Variants in ST8SIA5 observed in about 807,000 individuals in gnomAD.
ST8SIA5 encodes alpha-2,8-sialyltransferase 8E.
ST8SIA5 carries 24 observed loss-of-function variants against 40.2 expected under a neutral mutation model. That is an observed-to-expected ratio of 0.60 (90% CI 0.43 to 0.84). The LOEUF (loss-of-function observed/expected upper bound fraction) is 0.84, where lower values mean the gene tolerates loss of function less well. ST8SIA5 is among the 40% of genes least tolerant of loss of function. ST8SIA5 has a pLI of 0.00. For missense variants in ST8SIA5, 465 were observed against 498.5 expected (o/e 0.93, Z 0.64); for synonymous variants, 198 against 201.8 (o/e 0.98, Z 0.16).
At chr18:46,723,787 A>G (rs1424804059) in intron 1 of ST8SIA5, among the ~76,000 whole-genome samples, 2 of 152,072 alleles carry the variant, frequency 1.3e-5, no homozygotes, top group Non-Finnish European at 2.9e-5. Flanking sequence ...TTAGCCAGGC[A>G]TGGTGGCAGG....
At chr18:46,718,053 G>A (rs1179616363) in intron 1 of ST8SIA5, among the ~76,000 whole-genome samples, 1 of 152,158 alleles carries the variant, frequency 6.6e-6, no homozygotes. Context: ...TTCCGGCTGG[G>A]TGCTGTGGCT....
At chr18:46,687,255 A>C (rs1330125917) in intron 4 of ST8SIA5, among the ~76,000 whole-genome samples, 1 of 152,252 alleles carries the variant, frequency 6.6e-6, no homozygotes, top group Admixed American at 6.5e-5. Context: ...AATAAGATTG[A>C]AAGTGTTACT....
At chr18:46,715,278 C>T (rs1010202011) in intron 1 of ST8SIA5, among the ~76,000 whole-genome samples, 2 of 152,220 alleles carry the variant, frequency 1.3e-5, no homozygotes, top group Admixed American at 6.5e-5. Context: ...CGCTGCTCTG[C>T]CTTCAGCCTG....
chr18:46,694,504 A>C (rs138381808), intron 2 of ST8SIA5, among the ~76,000 whole-genome samples: 2 of 152,216 alleles, frequency 1.3e-5, no homozygotes, highest in Non-Finnish European at 2.9e-5. Context: ...CACAGTCCCC[A>C]CTTTAGGGCC....
intron 1 of ST8SIA5, among the ~76,000 whole-genome samples, chr18:46,741,486 A>C (rs887749046): frequency 1.3e-5 from 2 of 152,244 alleles, no homozygotes; most frequent in African/African-American, 2.4e-5. Context: ...AAAAACGTGC[A>C]TAAGTCATTA....
intron 5 of ST8SIA5, among the ~76,000 whole-genome samples, chr18:46,683,328 C>T (rs2039416247): frequency 6.6e-6 from 1 of 152,296 alleles, no homozygotes; most frequent in Non-Finnish European, 1.5e-5. Flanking sequence ...ATATTCTTCA[C>T]ATCAAATACT....
chr18:46,706,373 C>T (rs765089660), intron 1 of ST8SIA5, among the ~76,000 whole-genome samples: 14 of 152,192 alleles, frequency 9.2e-5, no homozygotes, highest in Non-Finnish European at 1.9e-4. Context: ...TTCTTCAGTA[C>T]CCGGCTCGAG....
At chr18:46,726,009 A>ATATATATCTATC (rs1568271474) in intron 1 of ST8SIA5, among the ~76,000 whole-genome samples, 1 of 60,944 alleles carries the variant, frequency 1.6e-5, no homozygotes, top group Non-Finnish European at 3.0e-5. Context: ...ATATATATAT[A>ATATATATCTATC]TCCTGGATAT....
At chr18:46,755,511 T>C (rs1258459738) in intron 1 of ST8SIA5, among the ~76,000 whole-genome samples, 2 of 152,086 alleles carry the variant, frequency 1.3e-5, no homozygotes, top group Non-Finnish European at 2.9e-5. Context: ...CCTCCCCTAA[T>C]CTCTCAAACC....
At chr18:46,710,128 A>G (rs762279299) in intron 1 of ST8SIA5, among the ~76,000 whole-genome samples, 5 of 152,002 alleles carry the variant, frequency 3.3e-5, no homozygotes, top group African/African-American at 1.2e-4. Context: ...CAGGAGCCCA[A>G]CTCCTCTCAA....
chr18:46,688,980 A>C, intron 3 of ST8SIA5, 61 bp from the exon 4 acceptor site: 1 of 1,560,728 alleles, frequency 6.4e-7, no homozygotes. Context: ...TGGAGGGCAG[A>C]GCACAACCTC....
chr18:46,680,415 C>T lies in ST8SIA5; in HGVS notation c.758G>A (p.Arg253His), dbSNP rs754129128. ...GACGCGGATGGACACGTCGGTGTTG[C>T]GCGTGTTGTAGAAGGCAGGCAGCAG... ...SVLLPAFYNT[R>H]NTDVSIRVKY... is the part of the protein sequence containing the mutation. Residue 253 changes from arginine to histidine, a missense_variant, in exon 7 of 7, where the codon CGC becomes CAC. Coordinates refer to ENST00000315087, the MANE Select transcript of ST8SIA5 (RefSeq NM_013305.6). 2 of 1,613,102 alleles carry T rather than the reference C, an allele frequency of 1.2e-6. No homozygotes were observed. Among genetic ancestry groups the T allele is most frequent in the Admixed American group, 3.3e-5 (2 of 59,880 alleles).
chr18:46,681,840 T>C (rs774857478), intron 6 of ST8SIA5, 132 bp downstream of exon 6: 21 of 808,108 alleles, frequency 2.6e-5, no homozygotes, highest in Non-Finnish European at 3.9e-5. Flanking sequence ...ATTAAGTCTT[T>C]GAAACCCAGT....
chr18:46,682,776 G>T (rs1323165809), intron 5 of ST8SIA5, among the ~76,000 whole-genome samples: 2 of 152,202 alleles, frequency 1.3e-5, no homozygotes, highest in Admixed American at 6.5e-5. Flanking sequence ...GTGACAACCA[G>T]GGAGAGAGAA....
intron 1 of ST8SIA5, among the ~76,000 whole-genome samples, chr18:46,725,947 C>T (rs1206341357): frequency 1.0e-5 from 1 of 95,408 alleles, no homozygotes; most frequent in South Asian, 3.6e-4. Flanking sequence ...ATGGTGAAAC[C>T]CCATCTCTAC....
intron 1 of ST8SIA5, among the ~76,000 whole-genome samples, chr18:46,755,358 G>A (rs1052036299): frequency 1.3e-5 from 2 of 152,206 alleles, no homozygotes; most frequent in African/African-American, 4.8e-5. Flanking sequence ...CTTAGCTAGA[G>A]AGACATTTAT....
At chr18:46,695,192 AG>A (rs1456974726) in intron 2 of ST8SIA5, among the ~76,000 whole-genome samples, 2 of 152,068 alleles carry the variant, frequency 1.3e-5, no homozygotes, top group African/African-American at 2.4e-5. Context: ...TTTTAAAAAA[AG>A]GGTTCATTTT....
chr18:46,704,441 C>T (rs991871475), intron 2 of ST8SIA5, 131 bp downstream of exon 2: 2 of 769,678 alleles, frequency 2.6e-6, no homozygotes, highest in South Asian at 3.4e-5. Context: ...GGGAAGGAGA[C>T]CTACTTTTCG....
intron 1 of ST8SIA5, among the ~76,000 whole-genome samples, chr18:46,725,972 AATATATATATATATATATATATAT>A (rs1555696955): frequency 1.0e-4 from 3 of 29,096 alleles, no homozygotes; most frequent in Non-Finnish European, 1.8e-4. Flanking sequence ...AAAAAAAAAA[AATATATATATATATATATATATAT>A]ATATATATAT....
Sources: allele counts gnomAD v4.1 joint callset (sites outside exome capture counted in the v4.1 genomes callset), GRCh38; gene constraint gnomAD v4.1.1; transcripts MANE v1.5; gene names NCBI Gene and HGNC (gene_info 2026-07-23, HGNC 2026-07-21).